The following FBXO31 variants were observed in gnomAD, a reference collection of about 807,000 sequenced individuals.
FBXO31 encodes F-box protein 31.
A neutral mutation model predicts 54.4 loss-of-function variants in FBXO31; 24 were observed. That is an observed-to-expected ratio of 0.44 (90% confidence interval 0.32 to 0.62). The LOEUF (loss-of-function observed/expected upper bound fraction) is 0.62, where lower values mean the gene tolerates loss of function less well. Ranked by LOEUF, FBXO31 falls within the 20% of genes least tolerant of loss-of-function variation. FBXO31 has a pLI of 0.05. For missense variants in FBXO31, 665 were observed against 787.1 expected (o/e 0.84, Z 1.86); for synonymous variants, 388 against 335.6 (o/e 1.16, Z -1.71).
chr16:87,359,014 T>C (rs1906019620), intron 2 of FBXO31, among the ~76,000 whole-genome samples: 1 of 152,178 alleles, frequency 6.6e-6, no homozygotes, highest in African/African-American at 2.4e-5. Flanking sequence ...CTGATTTTCT[T>C]CCACCACCTG....
rs2278271 is a variant in FBXO31 at position 87,328,197 on chromosome 16, G to A, written c.*3091C>T. ...GAGCCAGCGGCTGAAGGGCCCTTGCGTGCGGCTGCAGCACAACTGCAGGTT... is the reference window on the plus strand; with the variant it reads ...GAGCCAGCGGCTGAAGGGCCCTTGCATGCGGCTGCAGCACAACTGCAGGTT... On this transcript the variant is annotated 3_prime_UTR_variant, in exon 9 of 9. Transcript: ENST00000311635. The A allele has an allele frequency of 0.13, 19,986 of 152,368 alleles. 1,689 individuals carry two copies. Among genetic ancestry groups the A allele is most frequent in the South Asian group, 0.34 (1,625 of 4,828 alleles). 9.4% of individuals were successfully genotyped at this position (152,368 alleles called of 1,614,324 possible).
intron 8 of FBXO31, among the ~76,000 whole-genome samples, chr16:87,333,564 T>G (rs1212240526): frequency 1.3e-5 from 2 of 152,312 alleles, no homozygotes; most frequent in South Asian, 2.1e-4. Flanking sequence ...TGCAAACAAG[T>G]AGCTTTAGAA....
At chr16:87,386,301 C>T (rs1161497427), upstream of FBXO31, 2 of 152,216 alleles carry the variant, frequency 1.3e-5, no homozygotes, top group African/African-American at 4.8e-5. Flanking sequence ...AGATGAAGCC[C>T]TCGCAAATTC....
Position 87,342,905 on chromosome 16 carries a change from T to A in FBXO31, c.704A>T (p.His235Leu). 1 of 1,607,102 alleles carries A rather than the reference T, an allele frequency of 6.2e-7. No homozygotes were observed. The highest frequency in any genetic ancestry group is 8.5e-7 in the Non-Finnish European group (1 of 1,177,130). The change falls in exon 5 of 9, where the codon CAC becomes CTC. Residue 235 changes from histidine (H) to leucine (L), a missense_variant. Physicochemically the swap from His to Leu is moderately conservative, Grantham distance 99. This residue lies in a region of FBXO31 where 234 missense variants were observed against 346.8 expected (regional missense o/e 0.67). Coordinates refer to ENST00000311635, the MANE Select transcript of FBXO31 (RefSeq NM_024735.5). The stretch of plus-strand genomic sequence containing the variant: ...CTGCCTCCCGCCGGACATCCTGTGG[T>A]GGTCCGTCTGGTTGCACTTGGTGGA... ...EFSTKCNQTD[H>L]HRMSGGRQEE...
In FBXO31 at chr16:87,331,574, C is replaced by T. The variant is rs748252366; in HGVS notation, c.1398-64G>A. On this transcript the variant is annotated intron_variant, in intron 8 of 8. Coordinates refer to ENST00000311635, the MANE Select transcript of FBXO31 (RefSeq NM_024735.5). ...GGCTGAGTCAAATGCACGCCACGTA[C>T]AGCATTCTGCGACCCCGCTCTGTGC... The T allele has an allele frequency of 5.8e-4, 783 of 1,349,340 alleles. 1 individual carries two copies. The highest frequency in any genetic ancestry group is 7.5e-4 in the Non-Finnish European group (736 of 980,522). 83.6% of individuals were successfully genotyped at this position (1,349,340 alleles called of 1,614,324 possible). A position where few individuals can be genotyped will look rare whatever the true frequency, so the allele number is the denominator to read the frequency against.
Position 87,358,237 on chromosome 16 carries a change from A to C in FBXO31, c.412+2058T>G, listed in dbSNP as rs1354697739. Among the ~76,000 whole-genome samples, 1 of 152,112 alleles carries C rather than the reference A, an allele frequency of 6.6e-6. No individual in the cohort carries two copies. The highest frequency in any genetic ancestry group is 1.5e-5 in the Non-Finnish European group (1 of 68,038). ...CCAACACACAGGTGTGATCTCTGTC[A>C]CAGCTGAAGCAGAGCCACGCTGCAG... is the stretch of plus-strand genomic sequence containing the variant. On this transcript the variant is annotated intron_variant, in intron 2 of 8. Transcript: ENST00000311635. The surrounding 1 kb of genome is among the most constrained non-coding windows in gnomAD (Gnocchi z 4.0).
In FBXO31 at chr16:87,329,811, T is replaced by C. The variant is rs1904784088; in HGVS notation, c.*1477A>G. ...TAGGAACCTTTGCCAATTCTCTGAC[T>C]CTGGGAAGCAAAGTAAGCATTTGCC... is the stretch of plus-strand genomic sequence containing the variant. On this transcript the variant is annotated 3_prime_UTR_variant, in exon 9 of 9. Transcript: ENST00000311635. 6.6e-6 allele frequency: 1 copy of C among 152,240 alleles called. No homozygotes were observed. Among genetic ancestry groups the C allele is most frequent in the African/African-American group, 2.4e-5 (1 of 41,462 alleles). The allele number at this position is 152,240 out of a possible 1,614,324, so 9.4% of individuals were successfully genotyped here.
chr16:87,392,073 C>T (rs1907582912), upstream of FBXO31: 2 of 223,424 alleles, frequency 9.0e-6, no homozygotes, highest in Non-Finnish European at 1.8e-5. Context: ...GCCCAGCCCA[C>T]AACCGTCACC....
chr16:87,350,163 CT>C, intron 2 of FBXO31, among the ~76,000 whole-genome samples: 1 of 152,202 alleles, frequency 6.6e-6, no homozygotes, highest in South Asian at 2.1e-4. Context: ...TTTCGGAGCA[CT>C]GGAGTGGCAA....
At chr16:87,391,137 G>T (rs960241500), upstream of FBXO31, among the ~76,000 whole-genome samples, 1 of 152,132 alleles carries the variant, frequency 6.6e-6, no homozygotes, top group African/African-American at 2.4e-5. Flanking sequence ...GGTTGCTTGA[G>T]GCCAGGAGTT....
chr16:87,377,771 G>A (rs929067986), intron 1 of FBXO31, among the ~76,000 whole-genome samples: 2 of 151,694 alleles, frequency 1.3e-5, no homozygotes, highest in Admixed American at 6.6e-5. Flanking sequence ...TGAGGCTGTA[G>A]TGAGCTGTGA....
chr16:87,367,575 C>T (rs963906270), intron 1 of FBXO31: 1 of 152,236 alleles, frequency 6.6e-6, no homozygotes. Flanking sequence ...TTAGTTACTG[C>T]ATAATGAGAC....
upstream of FBXO31, among the ~76,000 whole-genome samples, chr16:87,385,136 T>C (rs1907282800): frequency 1.4e-5 from 2 of 145,056 alleles, no homozygotes; most frequent in Non-Finnish European, 3.0e-5. Flanking sequence ...CCTACCCACA[T>C]AGTGAGACGC....
At chr16:87,370,070 G>C (rs537818974) in intron 1 of FBXO31, among the ~76,000 whole-genome samples, 126 of 152,268 alleles carry the variant, frequency 8.3e-4, no homozygotes, top group Middle Eastern at 3.4e-3. Flanking sequence ...CCCCGTCCCT[G>C]CAGCACAGGC....
At position 87,358,079 on chromosome 16, in the gene FBXO31, T is replaced by G. The variant is rs1282163187; in HGVS notation, c.412+2216A>C. 3.3e-5 allele frequency among the ~76,000 whole-genome samples: 5 copies of G among 152,238 alleles called. No individual in the cohort carries two copies. The highest frequency in any genetic ancestry group is 1.2e-4 in the African/African-American group (5 of 41,462). On this transcript the variant is annotated intron_variant, in intron 2 of 8. Transcript: ENST00000311635. This position sits in a 1 kb window ranked among gnomAD's most constrained non-coding sequence, Gnocchi z 4.0. ...CTTTAGAATAAAATTTTAAAGCTTC[T>G]ACTCTGTTCGTTCCTCTCTGTGTCT...
At chr16:87,366,187 G>A (rs929421556) in intron 1 of FBXO31, among the ~76,000 whole-genome samples, 7 of 152,122 alleles carry the variant, frequency 4.6e-5, no homozygotes, top group African/African-American at 1.2e-4. Flanking sequence ...TGAAAACTGC[G>A]GAAATCTGAA....
At chr16:87,357,032 G>C (rs1052033612) in intron 2 of FBXO31, among the ~76,000 whole-genome samples, 1 of 152,102 alleles carries the variant, frequency 6.6e-6, no homozygotes, top group East Asian at 1.9e-4. Flanking sequence ...GAATGAATGA[G>C]CCCAAGAGTA....
chr16:87,354,322 A>C (rs1017322447), intron 2 of FBXO31, among the ~76,000 whole-genome samples: 1 of 152,118 alleles, frequency 6.6e-6, no homozygotes, highest in African/African-American at 2.4e-5. Flanking sequence ...AAACAACAGA[A>C]AAATTAGCCA....
intron 1 of FBXO31, among the ~76,000 whole-genome samples, chr16:87,380,429 TCTCA>T (rs1407661080): frequency 6.6e-6 from 1 of 151,650 alleles, no homozygotes; most frequent in Non-Finnish European, 1.5e-5. Context: ...TGCGAAAGGG[TCTCA>T]CTCTGTCACC....
Sources: gnomAD v4.1 joint callset for allele counts (sites outside exome capture counted in the v4.1 genomes callset) on GRCh38, gnomAD v4.1.1 for gene constraint, gnomAD v4.1.1 regional missense constraint, Gnocchi (gnomAD v3.1) non-coding constraint, MANE v1.5 for transcripts, NCBI Gene and HGNC (gene_info 2026-07-23, HGNC 2026-07-21) for gene names.